The following LY96 variants were observed in gnomAD, a reference collection of about 807,000 sequenced individuals.
LY96 encodes the protein lymphocyte antigen 96.
In LY96, 18 loss-of-function variants were observed where a neutral mutation model predicts 18.9. That is an observed-to-expected ratio of 0.95 (90% CI 0.66 to 1.41). The LOEUF (loss-of-function observed/expected upper bound fraction) is 1.41. LY96 is among the 40% of genes most tolerant of loss of function. The probability of loss-of-function intolerance (pLI) is 0.00; values close to 1 mark genes in which losing one functional copy is unlikely to be tolerated. For synonymous variants in LY96, 66 were observed against 62.6 expected (o/e 1.06, Z -0.26); for missense variants, 175 against 182.4 (o/e 0.96, Z 0.23).
downstream of LY96, among the ~76,000 whole-genome samples, chr8:74,031,498 C>T (rs573120019): frequency 6.5e-4 from 99 of 151,930 alleles, no homozygotes; most frequent in African/African-American, 2.3e-3. Flanking sequence ...TGGTGGCGGG[C>T]ACCTGTAGTC....
chr8:73,999,242 T>A (rs1242909877), intron 1 of LY96, among the ~76,000 whole-genome samples: 1 of 152,224 alleles, frequency 6.6e-6, no homozygotes, highest in East Asian at 1.9e-4. Flanking sequence ...AGTGTTGGGA[T>A]TACAGGTGTG....
At chr8:74,030,569 G>T (rs1816953607), downstream of LY96, among the ~76,000 whole-genome samples, 1 of 152,142 alleles carries the variant, frequency 6.6e-6, no homozygotes, top group Admixed American at 6.5e-5. Context: ...TCTCTATATA[G>T]AGAAAGCTGT....
chr8:74,012,343 A>G (rs1816548335), intron 3 of LY96, among the ~76,000 whole-genome samples: 1 of 152,238 alleles, frequency 6.6e-6, no homozygotes, highest in South Asian at 2.1e-4. Context: ...ACAATGGAAT[A>G]CTATTAAGCC....
chr8:74,091,684 T>C, the LY96 span, among the ~76,000 whole-genome samples: 14 of 152,228 alleles, frequency 9.2e-5, no homozygotes, highest in Admixed American at 7.9e-4. Flanking sequence ...TTCTGCCTTT[T>C]CTTTTCTGGG....
the LY96 span, among the ~76,000 whole-genome samples, chr8:74,080,230 G>A: frequency 6.6e-6 from 1 of 152,148 alleles, no homozygotes; most frequent in South Asian, 2.1e-4. Context: ...ATGGGGCTTG[G>A]AATCAAAATG....
At chr8:74,032,228 T>C (rs779328243), downstream of LY96, among the ~76,000 whole-genome samples, 2 of 152,234 alleles carry the variant, frequency 1.3e-5, no homozygotes, top group Non-Finnish European at 2.9e-5. Flanking sequence ...TTTTGTAGAT[T>C]GGTATCATCA....
chr8:74,050,095 C>A, the LY96 span, among the ~76,000 whole-genome samples: 1 of 152,116 alleles, frequency 6.6e-6, no homozygotes, highest in Non-Finnish European at 1.5e-5. Context: ...GTAATGCCAG[C>A]ACTTTGGGAA....
At chr8:74,024,186 C>A (rs922210410) in intron 3 of LY96, among the ~76,000 whole-genome samples, 5 of 152,006 alleles carry the variant, frequency 3.3e-5, no homozygotes, top group Non-Finnish European at 7.4e-5. Context: ...CAAAGCAAAA[C>A]CCCGGTCCTC....
At chr8:74,057,141 G>A in the LY96 span, among the ~76,000 whole-genome samples, 1 of 152,272 alleles carries the variant, frequency 6.6e-6, no homozygotes, top group East Asian at 1.9e-4. Context: ...GCTTCTTGAA[G>A]ATTAAATCAC....
At chr8:74,057,824 A>G in the LY96 span, among the ~76,000 whole-genome samples, 3,858 of 152,324 alleles carry the variant, frequency 0.025, 83 homozygotes, top group Middle Eastern at 0.095. Context: ...CTTACGTTTT[A>G]TTCTCTGTTA....
At chr8:74,060,588 C>T in the LY96 span, among the ~76,000 whole-genome samples, 99 of 152,276 alleles carry the variant, frequency 6.5e-4, 2 homozygotes, top group African/African-American at 2.3e-3. Flanking sequence ...AAATATATGT[C>T]GAAAGACTGA....
chr8:74,088,660 A>C, the LY96 span, among the ~76,000 whole-genome samples: 2 of 152,140 alleles, frequency 1.3e-5, no homozygotes, highest in South Asian at 4.1e-4. Context: ...ATCTCGGCTC[A>C]CTGCAACCTC....
chr8:74,093,440 T>C, the LY96 span, among the ~76,000 whole-genome samples: 1 of 152,190 alleles, frequency 6.6e-6, no homozygotes, highest in African/African-American at 2.4e-5. Flanking sequence ...TGGATTGCGA[T>C]GGGGGAAATT....
chr8:74,093,692 G>C, the LY96 span, among the ~76,000 whole-genome samples: 609 of 152,292 alleles, frequency 4.0e-3, 5 homozygotes, highest in African/African-American at 0.013. Context: ...CAATCTGTCA[G>C]ATTTCATCAT....
chr8:74,081,427 A>C, the LY96 span, among the ~76,000 whole-genome samples: 1 of 151,006 alleles, frequency 6.6e-6, no homozygotes, highest in African/African-American at 2.4e-5. Flanking sequence ...GGCTAATTTA[A>C]AATTTTTTTT....
chr8:74,079,226 G>T, the LY96 span, among the ~76,000 whole-genome samples: 1 of 152,110 alleles, frequency 6.6e-6, no homozygotes, highest in Non-Finnish European at 1.5e-5. Context: ...TGGTTCTGAT[G>T]CCCTCACACT....
intron 3 of LY96, among the ~76,000 whole-genome samples, chr8:74,014,575 T>C (rs1816603261): frequency 6.6e-6 from 1 of 151,012 alleles, no homozygotes; most frequent in African/African-American, 2.4e-5. Context: ...CAAATAAACA[T>C]GGCCATCTGG....
At chr8:74,075,718 G>A in the LY96 span, among the ~76,000 whole-genome samples, 1 of 152,164 alleles carries the variant, frequency 6.6e-6, no homozygotes, top group African/African-American at 2.4e-5. Context: ...TCCTATTAGT[G>A]AAAATGAGAA....
At chr8:74,016,242 A>G (rs1816639825) in intron 3 of LY96, among the ~76,000 whole-genome samples, 4 of 152,242 alleles carry the variant, frequency 2.6e-5, no homozygotes, top group Admixed American at 2.0e-4. Context: ...TCCCATGCCC[A>G]CAGAGCCTTG....
Sources: allele counts gnomAD v4.1 joint callset (sites outside exome capture counted in the v4.1 genomes callset), GRCh38; gene constraint gnomAD v4.1.1; transcripts MANE v1.5; gene names NCBI Gene and HGNC (gene_info 2026-07-23, HGNC 2026-07-21).